Variants in CGNL1 observed in about 807,000 individuals in gnomAD.
The protein encoded by CGNL1 is cingulin like 1, also known as cingulin-like protein 1.
In CGNL1, 132 loss-of-function variants were observed where a neutral mutation model predicts 141.2. That is an observed-to-expected ratio of 0.93 (90% CI 0.81 to 1.08). CGNL1 has a LOEUF of 1.08. Ranked by LOEUF, CGNL1 falls within the 50% of genes least tolerant of loss-of-function variation. The pLI, the probability that CGNL1 is intolerant of heterozygous loss-of-function variation, is 0.00. For synonymous variants in CGNL1, 690 were observed against 622.1 expected (o/e 1.11, Z -1.63); for missense variants, 1,870 against 1,588.6 (o/e 1.18, Z -3.01).
At chr15:57,470,464 GA>G (rs1342705190) in intron 8 of CGNL1, among the ~76,000 whole-genome samples, 1 of 151,954 alleles carries the variant, frequency 6.6e-6, no homozygotes, top group Non-Finnish European at 1.5e-5. Flanking sequence ...TGGCTGTCAT[GA>G]AAAAACTCTG....
At position 57,524,709 on chromosome 15, in the gene CGNL1, G is replaced by C. The variant is rs1004297712; in HGVS notation, c.2997G>C (p.Glu999Asp). Residue 999 changes from glutamate (E) to aspartate (D), a missense_variant, in exon 12 of 19, where the codon GAG (glutamate) becomes GAC (aspartate). Coordinates refer to ENST00000281282, the MANE Select transcript of CGNL1 (RefSeq NM_032866.5). Reference protein sequence around the residue: ...MQRQLKEKTLEAEKSRLTAMK... With the variant: ...MQRQLKEKTLDAEKSRLTAMK... The stretch of plus-strand genomic sequence containing the variant: ...GACAGTTGAAGGAGAAAACGCTGGA[G>C]GCAGAAAAGTCCCGACTGACAGCCA... 6.2e-7 allele frequency: 1 copy of C among 1,614,202 alleles called. No individual in the cohort carries two copies. The highest frequency in any genetic ancestry group is 2.2e-5 in the East Asian group (1 of 44,886).
At chr15:57,482,262 G>T (rs558506808) in intron 8 of CGNL1, among the ~76,000 whole-genome samples, 1 of 152,050 alleles carries the variant, frequency 6.6e-6, no homozygotes, top group East Asian at 1.9e-4. Context: ...TTTTTAACAA[G>T]GTCTTTGAAA....
chr15:57,498,588 C>G (rs1190317155), intron 8 of CGNL1, among the ~76,000 whole-genome samples: 1 of 151,976 alleles, frequency 6.6e-6, no homozygotes, highest in Non-Finnish European at 1.5e-5. Context: ...TGTATTAAGC[C>G]TATGAGCAAA....
chr15:57,425,278 C>T (rs1220761901), intron 1 of CGNL1, among the ~76,000 whole-genome samples: 1 of 152,114 alleles, frequency 6.6e-6, no homozygotes. Flanking sequence ...GCAGGAGGAT[C>T]CCTTGAGCCC....
intron 17 of CGNL1, 121 bp from the exon 18 acceptor site, chr15:57,545,955 A>G (rs1016049357): frequency 9.0e-7 from 1 of 1,116,312 alleles, no homozygotes; most frequent in African/African-American, 1.6e-5. Flanking sequence ...TTCCCAAGAG[A>G]CTGGCTGCCC....
intron 8 of CGNL1, among the ~76,000 whole-genome samples, chr15:57,490,732 A>G (rs1307366574): frequency 6.6e-6 from 1 of 152,154 alleles, no homozygotes; most frequent in Admixed American, 6.5e-5. Context: ...GTACAGGATG[A>G]AGTGGGGGAG....
intron 9 of CGNL1, 136 bp from the exon 10 acceptor site, chr15:57,518,257 G>T (rs1455061354): frequency 1.6e-6 from 1 of 644,962 alleles, no homozygotes; most frequent in African/African-American, 1.8e-5. Flanking sequence ...TGCCACCTTG[G>T]GTCTGTGACA....
At chr15:57,501,413 T>C (rs1021086391) in intron 8 of CGNL1, among the ~76,000 whole-genome samples, 2 of 152,216 alleles carry the variant, frequency 1.3e-5, no homozygotes, top group Non-Finnish European at 2.9e-5. Flanking sequence ...TGGCATAGAC[T>C]GAGCACTCAG....
At chr15:57,381,188 C>T (rs1297624335) in intron 1 of CGNL1, among the ~76,000 whole-genome samples, 1 of 152,178 alleles carries the variant, frequency 6.6e-6, no homozygotes, top group African/African-American at 2.4e-5. Context: ...CCTTTACATT[C>T]CTGAGAGGCA....
At chr15:57,546,453 C>T (rs1454136634) in intron 18 of CGNL1, among the ~76,000 whole-genome samples, 1 of 152,088 alleles carries the variant, frequency 6.6e-6, no homozygotes, top group African/African-American at 2.4e-5. Context: ...TACCAATGCC[C>T]CAATGCCAGC....
At chr15:57,487,582 C>CAAATG (rs1174147902) in intron 8 of CGNL1, among the ~76,000 whole-genome samples, 2 of 152,106 alleles carry the variant, frequency 1.3e-5, no homozygotes, top group African/African-American at 4.8e-5. Context: ...CTCAGATTTT[C>CAAATG]CTTTTGTTCA....
intron 1 of CGNL1, among the ~76,000 whole-genome samples, chr15:57,410,046 G>A (rs1168454160): frequency 6.6e-6 from 1 of 152,186 alleles, no homozygotes; most frequent in Non-Finnish European, 1.5e-5. Context: ...GAGATGGTTT[G>A]GGGTTCTGAC....
At chr15:57,463,567 G>C (rs1034859193) in intron 8 of CGNL1, among the ~76,000 whole-genome samples, 1 of 152,214 alleles carries the variant, frequency 6.6e-6, no homozygotes, top group Non-Finnish European at 1.5e-5. Flanking sequence ...GTACCCACTG[G>C]GGTGTGGGCC....
chr15:57,521,656 G>A (rs1326108994), intron 10 of CGNL1, among the ~76,000 whole-genome samples: 1 of 152,166 alleles, frequency 6.6e-6, no homozygotes, highest in African/African-American at 2.4e-5. Context: ...GTGTTGGCAG[G>A]CCCTAGGCCC....
At position 57,438,366 on chromosome 15, in the gene CGNL1, C is replaced by T. The variant is rs1260469259; in HGVS notation, c.367C>T (p.His123Tyr). The stretch of plus-strand genomic sequence containing the variant: ...AAGAAACCTGAAACAGCCCCTGCTC[C>T]ATGAGGGCAAGAATGGAGTTCTAGA... ...PIRNLKQPLLHEGKNGVLDRK... is the reference protein window; with the variant it reads ...PIRNLKQPLLYEGKNGVLDRK... Residue 123 changes from histidine (H) to tyrosine (Y), a missense_variant, in exon 2 of 19, where the codon CAT becomes TAT. Coordinates refer to ENST00000281282, the MANE Select transcript of CGNL1 (RefSeq NM_032866.5). 1 of 1,614,074 alleles carries T rather than the reference C, an allele frequency of 6.2e-7. No individual in the cohort carries two copies. Among genetic ancestry groups the T allele is most frequent in the Non-Finnish European group, 8.5e-7 (1 of 1,180,048 alleles).
intron 8 of CGNL1, among the ~76,000 whole-genome samples, chr15:57,489,792 T>C (rs76747689): frequency 3.0e-4 from 46 of 152,374 alleles, no homozygotes; most frequent in African/African-American, 1.1e-3. Flanking sequence ...TATTAAAGCA[T>C]CTGCTCAAAA....
intron 1 of CGNL1, among the ~76,000 whole-genome samples, chr15:57,420,294 T>G (rs2062899306): frequency 6.6e-6 from 1 of 152,186 alleles, no homozygotes; most frequent in Non-Finnish European, 1.5e-5. Flanking sequence ...TTCTAGGTGC[T>G]CTCAGCCAAA....
chr15:57,409,440 A>G (rs981926073), intron 1 of CGNL1, among the ~76,000 whole-genome samples: 1 of 152,224 alleles, frequency 6.6e-6, no homozygotes, highest in Non-Finnish European at 1.5e-5. Context: ...GACGGTGGCC[A>G]TGGGGAGAAC....
chr15:57,498,705 C>G (rs1473993513), intron 8 of CGNL1, among the ~76,000 whole-genome samples: 2 of 151,934 alleles, frequency 1.3e-5, no homozygotes, highest in Admixed American at 1.3e-4. Context: ...AGGAGAGGGG[C>G]TAGGATTTGA....
Sources: gnomAD v4.1 joint callset for allele counts (sites outside exome capture counted in the v4.1 genomes callset) on GRCh38, gnomAD v4.1.1 for gene constraint, MANE v1.5 for transcripts, NCBI Gene and HGNC (gene_info 2026-07-23, HGNC 2026-07-21) for gene names.